Variants in SCN2A observed in about 807,000 individuals in gnomAD.
SCN2A encodes sodium voltage-gated channel alpha subunit 2, also known as sodium channel protein type 2 subunit alpha.
SCN2A carries 20 observed loss-of-function variants against 188.7 expected under a neutral mutation model. The ratio of observed to expected loss-of-function variants is 0.11; its 90% CI spans 0.07 to 0.15. SCN2A has a LOEUF of 0.15. Ranked by LOEUF, SCN2A falls within the 10% of genes least tolerant of loss-of-function variation. SCN2A has a pLI of 1.00. For synonymous variants in SCN2A, 804 were observed against 833.1 expected (o/e 0.97, Z 0.60); for missense variants, 1,278 against 2,445.0 (o/e 0.52, Z 10.07).
chr2:165,286,917 G>T (rs1028665959), intron 1 of SCN2A, among the ~76,000 whole-genome samples: 8 of 152,110 alleles, frequency 5.3e-5, no homozygotes, highest in Admixed American at 4.6e-4. Context: ...TTTGAATGGA[G>T]GTTGTTTCCC....
chr2:165,377,774 TA>T (rs1701388633), intron 23 of SCN2A, 124 bp downstream of exon 23: 1 of 708,296 alleles, frequency 1.4e-6, no homozygotes. Flanking sequence ...ATCTATATTA[TA>T]AGGATAAAAT....
In SCN2A at chr2:165,313,973, A is replaced by C. The variant is rs935851967; in HGVS notation, c.1248A>C (p.Leu416=). 2 of 1,613,854 alleles carry C rather than the reference A, an allele frequency of 1.2e-6. No individual in the cohort carries two copies. The highest frequency in any genetic ancestry group is 1.7e-6 in the Non-Finnish European group (2 of 1,179,782). The change falls in exon 10 of 27, where the codon CTA becomes CTC. Residue 416 remains leucine, a synonymous_variant. Transcript: ENST00000375437. ...VLVIFLGSFY[L]INLILAVVAM... ...TCATTTTCTTGGGCTCATTCTATCTAATAAATTTGATCTTGGCTGTGGTGG... is the reference window on the plus strand; with the variant it reads ...TCATTTTCTTGGGCTCATTCTATCTCATAAATTTGATCTTGGCTGTGGTGG...
chr2:165,288,358 T>C (rs1695943325), intron 1 of SCN2A, among the ~76,000 whole-genome samples: 1 of 152,056 alleles, frequency 6.6e-6, no homozygotes, highest in Non-Finnish European at 1.5e-5. Flanking sequence ...AAATTCTGCT[T>C]TATTAGCAAC....
intron 1 of SCN2A, among the ~76,000 whole-genome samples, chr2:165,257,533 G>C (rs968346926): frequency 6.6e-6 from 1 of 151,922 alleles, no homozygotes; most frequent in Non-Finnish European, 1.5e-5. Context: ...TTTTGTTGTT[G>C]TTGTTCTTGT....
chr2:165,290,952 T>C (rs1696069369), intron 1 of SCN2A, among the ~76,000 whole-genome samples: 1 of 152,098 alleles, frequency 6.6e-6, no homozygotes, highest in African/African-American at 2.4e-5. Context: ...TGTCCAGCAT[T>C]AATTTCCCCC....
At chr2:165,373,063 T>G (rs368011966) in intron 20 of SCN2A, 162 bp from the exon 21 acceptor site, 5 of 702,114 alleles carry the variant, frequency 7.1e-6, no homozygotes, top group Middle Eastern at 3.6e-4. Flanking sequence ...TTCCCCAAAC[T>G]TACTAAGTCA....
chr2:165,262,517 A>G (rs1694642426), intron 1 of SCN2A, among the ~76,000 whole-genome samples: 1 of 152,100 alleles, frequency 6.6e-6, no homozygotes, highest in Non-Finnish European at 1.5e-5. Context: ...ATGGTCTCCA[A>G]TTCCATCAAA....
At chr2:165,336,654 C>G (rs1699011239) in intron 14 of SCN2A, among the ~76,000 whole-genome samples, 1 of 151,836 alleles carries the variant, frequency 6.6e-6, no homozygotes, top group African/African-American at 2.4e-5. Context: ...TTCTAAAATT[C>G]AATAATGGTG....
intron 16 of SCN2A, among the ~76,000 whole-genome samples, chr2:165,352,418 T>G (rs568573440): frequency 1.3e-5 from 2 of 152,128 alleles, no homozygotes; most frequent in Non-Finnish European, 2.9e-5. Flanking sequence ...TTACAACTAA[T>G]TAGACAAAGG....
chr2:165,249,873 A>G (rs115605485), intron 1 of SCN2A, among the ~76,000 whole-genome samples: 1,624 of 152,200 alleles, frequency 0.011, 25 homozygotes, highest in African/African-American at 0.037. Flanking sequence ...ATACTGAAAA[A>G]AAATTCCACT....
At chr2:165,337,166 C>T (rs1291614826) in intron 14 of SCN2A, among the ~76,000 whole-genome samples, 1 of 151,934 alleles carries the variant, frequency 6.6e-6, no homozygotes, top group Non-Finnish European at 1.5e-5. Context: ...TTGAAAAGTA[C>T]ACATTCTAAT....
In SCN2A at chr2:165,344,738, A is replaced by C; in HGVS notation, c.2746A>C (p.Asn916His). ...CAAAGAATGTGTCTGCAAGATTTCC[A>C]ATGATTGTGAACTCCCACGCTGGCA... ...SYKECVCKIS[N>H]DCELPRWHMH... Residue 916 changes from asparagine to histidine, a missense_variant, in exon 16 of 27, where the codon AAT becomes CAT. Physicochemically the swap from Asn to His is moderately conservative, Grantham distance 68. Coordinates refer to ENST00000375437, the MANE Select transcript of SCN2A (RefSeq NM_001040142.2). 1.9e-6 allele frequency: 3 copies of C among 1,614,140 alleles called. No individual in the cohort carries two copies. Among genetic ancestry groups the C allele is most frequent in the South Asian group, 2.2e-5 (2 of 91,074 alleles).
At chr2:165,284,221 A>G (rs548708276) in intron 1 of SCN2A, among the ~76,000 whole-genome samples, 7 of 151,942 alleles carry the variant, frequency 4.6e-5, no homozygotes, top group Non-Finnish European at 8.8e-5. Flanking sequence ...CCCAGGTTGG[A>G]GTGCAGTGGC....
intron 7 of SCN2A, 74 bp from the exon 8 acceptor site, chr2:165,311,951 T>C: frequency 1.1e-6 from 1 of 946,718 alleles, no homozygotes; most frequent in Non-Finnish European, 1.7e-6. Flanking sequence ...TTGTGAGCTT[T>C]GCCACCTAAA....
chr2:165,262,021 A>G (rs1463681881), intron 1 of SCN2A, among the ~76,000 whole-genome samples: 2 of 152,182 alleles, frequency 1.3e-5, no homozygotes, highest in African/African-American at 4.8e-5. Context: ...TCTGCCTGGG[A>G]AAGGTAAAAG....
In SCN2A at chr2:165,343,809, G is replaced by A. The variant is rs1404890121; in HGVS notation, c.2563-746G>A. On this transcript the variant is annotated intron_variant, in intron 15 of 26. Transcript: ENST00000375437. ...TATAAAGGTTAAAAAGAAGCCTAGC[G>A]TTTTACTTAAGTTTAAGTATTTTTG... Among the ~76,000 whole-genome samples, 3 of 126,432 alleles carry A rather than the reference G, an allele frequency of 2.4e-5. 1 individual carries two copies. Among genetic ancestry groups the A allele is most frequent in the Admixed American group, 2.4e-4 (3 of 12,752 alleles). 82.9% of individuals were successfully genotyped at this position (126,432 alleles called of 152,430 possible). A position where few individuals can be genotyped will look rare whatever the true frequency, so the allele number is the denominator to read the frequency against.
chr2:165,386,673 C>T, intron 25 of SCN2A, 73 bp from the exon 26 acceptor site: 3 of 1,448,106 alleles, frequency 2.1e-6, no homozygotes, highest in Admixed American at 3.8e-5. Flanking sequence ...TTGTTGCTTT[C>T]TTAAAATCAG....
chr2:165,269,181 TGAA>T (rs1695000748), intron 1 of SCN2A: 1 of 151,966 alleles, frequency 6.6e-6, no homozygotes, highest in Non-Finnish European at 1.5e-5. Flanking sequence ...ATATCTGAGG[TGAA>T]GGAGATATTA....
Position 165,315,461 on chromosome 2 carries a change from G to A in SCN2A, c.1384-10G>A, listed in dbSNP as rs752259362. ...TATATGCAACTTCCACATACTTTGC[G>A]CCCTTCTAGGCGGCAGCTGCAGCCG... On this transcript the variant is annotated splice_polypyrimidine_tract_variant and intron_variant, in intron 10 of 26. Transcript: ENST00000375437. The A allele has an allele frequency of 4.6e-5, 75 of 1,613,502 alleles. No individual in the cohort carries two copies. The South Asian group carries it at 4.8e-4, about 10-fold the overall frequency.
Sources: gnomAD v4.1 joint callset for allele counts (sites outside exome capture counted in the v4.1 genomes callset) on GRCh38, gnomAD v4.1.1 for gene constraint, MANE v1.5 for transcripts, NCBI Gene and HGNC (gene_info 2026-07-23, HGNC 2026-07-21) for gene names.